BABAM2: variants seen among roughly 807,000 people sequenced by gnomAD.
BABAM2 encodes the protein BRISC and BRCA1 A complex member 2, also known as BRISC and BRCA1-A complex member 2.
Under a neutral mutation model 54.7 loss-of-function variants are expected in BABAM2, and 31 were observed. The observed-to-expected ratio is 0.57, with a 90% CI of 0.43 to 0.77. BABAM2 has a LOEUF of 0.77. BABAM2 is among the 30% of genes least tolerant of loss of function. The pLI is 0.00. For missense variants in BABAM2, 364 were observed against 455.8 expected (o/e 0.80, Z 1.83); for synonymous variants, 167 against 162.9 (o/e 1.03, Z -0.19).
chr2:28,087,147 A>G (rs1238049508), intron 6 of BABAM2, among the ~76,000 whole-genome samples: 3 of 152,136 alleles, frequency 2.0e-5, no homozygotes, highest in Non-Finnish European at 4.4e-5. Flanking sequence ...GGAGTTTTCA[A>G]TTTCTCCAGA....
Position 27,909,275 on chromosome 2 carries a change from G to A in BABAM2, c.128+14591G>A, listed in dbSNP as rs6737105. ...ACCCAGATTGATCTCGAACTCCTGGGCTCAAGCAGTCCTCCCACTTTGGCC... is the reference window on the plus strand; with the variant it reads ...ACCCAGATTGATCTCGAACTCCTGGACTCAAGCAGTCCTCCCACTTTGGCC... On this transcript the variant is annotated intron_variant, in intron 2 of 11. Transcript: ENST00000379624. Among the ~76,000 whole-genome samples, 341 of 152,098 alleles carry A rather than the reference G, an allele frequency of 2.2e-3. 5 individuals are homozygous for A. Among genetic ancestry groups the A allele is most frequent in the African/African-American group, 7.4e-3 (309 of 41,512 alleles).
At chr2:28,112,125 C>CTTTCTTTCTTTCTT (rs1558346514) in intron 6 of BABAM2, among the ~76,000 whole-genome samples, 4 of 14,262 alleles carry the variant, frequency 2.8e-4, no homozygotes, top group African/African-American at 1.3e-3. Context: ...TTCTTTCTTT[C>CTTTCTTTCTTTCTT]TTTCTTTCTT....
At chr2:28,222,217 A>G (rs953625659) in intron 7 of BABAM2, among the ~76,000 whole-genome samples, 2 of 152,116 alleles carry the variant, frequency 1.3e-5, no homozygotes, top group African/African-American at 4.8e-5. Flanking sequence ...TTATTTTTGG[A>G]GAGTACTAGG....
At chr2:28,000,479 G>C (rs919995672) in intron 4 of BABAM2, among the ~76,000 whole-genome samples, 1 of 152,058 alleles carries the variant, frequency 6.6e-6, no homozygotes, top group African/African-American at 2.4e-5. Flanking sequence ...ACATACTATT[G>C]ATATGACTTT....
intron 6 of BABAM2, among the ~76,000 whole-genome samples, chr2:28,104,257 C>A (rs1218012116): frequency 1.3e-5 from 2 of 152,122 alleles, no homozygotes; most frequent in African/African-American, 4.8e-5. Flanking sequence ...GAACAGGCAA[C>A]CTACAGAATG....
chr2:28,166,457 G>A (rs1469443772), intron 7 of BABAM2, among the ~76,000 whole-genome samples: 1 of 152,132 alleles, frequency 6.6e-6, no homozygotes, highest in Admixed American at 6.5e-5. Flanking sequence ...AGGGGGAGGG[G>A]TGGATGCCAA....
Position 28,116,076 on chromosome 2 carries a change from T to C in BABAM2, c.571-13195T>C, listed in dbSNP as rs570584445. On this transcript the variant is annotated intron_variant, in intron 6 of 11. Coordinates refer to ENST00000379624, the MANE Select transcript of BABAM2 (RefSeq NM_199191.3). The stretch of plus-strand genomic sequence containing the variant: ...GTTGCAGTGAGCCAAGATCACACCA[T>C]TGCACTCCAGCCTGGGCAACGAGAG... Among the ~76,000 whole-genome samples the C allele has an allele frequency of 3.3e-5, 5 of 151,192 alleles. No individual in the cohort carries two copies. In the South Asian group the frequency reaches 1.0e-3, roughly 32 times the overall value.
At chr2:28,259,195 C>T (rs930470414) in intron 10 of BABAM2, among the ~76,000 whole-genome samples, 1 of 137,568 alleles carries the variant, frequency 7.3e-6, no homozygotes, top group African/African-American at 2.7e-5. Flanking sequence ...TCAAGCAATT[C>T]GCCTGCCTCA....
At chr2:28,183,739 T>TCACACACACACACACA (rs1286120518) in intron 7 of BABAM2, among the ~76,000 whole-genome samples, 12,178 of 132,788 alleles carry the variant, frequency 0.092, 666 homozygotes, top group Non-Finnish European at 0.1. Context: ...TGGATGAAGA[T>TCACACACACACACACA]CACACACACA....
intron 4 of BABAM2, among the ~76,000 whole-genome samples, chr2:28,002,388 T>C (rs187237693): frequency 6.6e-6 from 1 of 152,384 alleles, no homozygotes; most frequent in East Asian, 1.9e-4. Context: ...CTTAGCTTTG[T>C]ACATGTGCTC....
upstream of BABAM2, chr2:27,889,892 C>T: frequency 4.6e-6 from 1 of 219,226 alleles, no homozygotes; most frequent in Non-Finnish European, 9.0e-6. Flanking sequence ...GGCACATTCT[C>T]GGAGGTAAAA....
intron 7 of BABAM2, among the ~76,000 whole-genome samples, chr2:28,166,034 G>GTCCTT (rs1673639582): frequency 6.6e-6 from 1 of 152,094 alleles, no homozygotes; most frequent in Non-Finnish European, 1.5e-5. Flanking sequence ...TATAATAAGA[G>GTCCTT]GAAATTAGGA....
At chr2:28,026,435 A>G (rs1675669035) in intron 5 of BABAM2, among the ~76,000 whole-genome samples, 1 of 151,974 alleles carries the variant, frequency 6.6e-6, no homozygotes, top group Non-Finnish European at 1.5e-5. Context: ...CCTTGCAGGG[A>G]CATGGATGAA....
intron 7 of BABAM2, among the ~76,000 whole-genome samples, chr2:28,182,799 G>A (rs1675790829): frequency 6.6e-6 from 1 of 152,174 alleles, no homozygotes; most frequent in African/African-American, 2.4e-5. Context: ...AACTGTTACT[G>A]CATCCAAAGT....
At position 27,982,850 on chromosome 2, in the gene BABAM2, C is replaced by T. The variant is rs1048318857; in HGVS notation, c.206-5143C>T. 2.7e-3 allele frequency among the ~76,000 whole-genome samples: 385 copies of T among 145,222 alleles called. 1 individual carries two copies. The highest frequency in any genetic ancestry group is 0.01 in the Middle Eastern group (3 of 286). On this transcript the variant is annotated intron_variant, in intron 3 of 11. Transcript: ENST00000379624. ...AATAATATTTCATTATGTGTACACA[C>T]ACACACACACACACACACACACACA...
chr2:28,261,414 C>T (rs1042954219), intron 10 of BABAM2, among the ~76,000 whole-genome samples: 7 of 151,626 alleles, frequency 4.6e-5, no homozygotes, highest in African/African-American at 1.7e-4. Flanking sequence ...ACTGCAAGCT[C>T]CACCTCCCGG....
intron 2 of BABAM2, among the ~76,000 whole-genome samples, chr2:27,902,199 A>T (rs143711127): frequency 6.8e-4 from 104 of 152,314 alleles, no homozygotes; most frequent in Non-Finnish European, 1.3e-3. Context: ...TTTTAAACTG[A>T]GTGTATTTAC....
intron 7 of BABAM2, among the ~76,000 whole-genome samples, chr2:28,173,984 C>T (rs1027493166): frequency 6.6e-6 from 1 of 151,984 alleles, no homozygotes; most frequent in Admixed American, 6.5e-5. Flanking sequence ...AAAGATTAAC[C>T]ATACATTCCC....
In BABAM2 at chr2:28,298,491, A is replaced by T. The variant is rs758012672; in HGVS notation, c.1088A>T (p.Lys363Met). Residue 363 changes from lysine to methionine, a missense_variant and splice_region_variant, in exon 11 of 12, where the codon AAG (lysine) becomes ATG (methionine). Physicochemically the swap from Lys to Met is moderately conservative, Grantham distance 95. Transcript: ENST00000379624. ...WDGNEMAKRA[K>M]AYFKTFVPQF... ...GGAAATGAAATGGCCAAAAGAGCAA[A>T]GTAAGTGAATCTGTCGTTATTTCCA... The T allele has an allele frequency of 6.2e-7, 1 of 1,614,068 alleles. No individual in the cohort carries two copies. Among genetic ancestry groups the T allele is most frequent in the South Asian group, 1.1e-5 (1 of 91,032 alleles).
Sources: gnomAD v4.1 joint callset for allele counts (sites outside exome capture counted in the v4.1 genomes callset) on GRCh38, gnomAD v4.1.1 for gene constraint, MANE v1.5 for transcripts, NCBI Gene and HGNC (gene_info 2026-07-23, HGNC 2026-07-21) for gene names.